WDR37: variants seen among roughly 807,000 people sequenced by gnomAD.
WDR37 encodes WD repeat domain 37.
Under a neutral mutation model 62.9 loss-of-function variants are expected in WDR37, and 19 were observed. The ratio of observed to expected loss-of-function variants is 0.30; its 90% CI spans 0.21 to 0.44. The LOEUF (loss-of-function observed/expected upper bound fraction) is 0.44, where lower values mean the gene tolerates loss of function less well. WDR37 is among the 20% of genes least tolerant of loss of function. The pLI is 1.00. For synonymous variants in WDR37, 250 were observed against 260.9 expected (o/e 0.96, Z 0.40); for missense variants, 474 against 657.6 (o/e 0.72, Z 3.05).
intron 2 of WDR37, 140 bp downstream of exon 2, chr10:1,072,433 G>C: frequency 1.7e-6 from 2 of 1,184,092 alleles, no homozygotes; most frequent in Non-Finnish European, 2.4e-6. Flanking sequence ...TCCTGCCTCA[G>C]CCTACTGAGT....
intron 1 of WDR37, among the ~76,000 whole-genome samples, chr10:1,066,828 A>G (rs1007082702): frequency 2.0e-5 from 3 of 152,238 alleles, no homozygotes; most frequent in Non-Finnish European, 4.4e-5. Flanking sequence ...AGGCCTCACA[A>G]TCATGGCAGA....
intron 7 of WDR37, 53 bp downstream of exon 7, chr10:1,086,410 T>G: frequency 1.4e-6 from 2 of 1,480,254 alleles, no homozygotes; most frequent in Non-Finnish European, 1.9e-6. Context: ...TTCTCCAGTG[T>G]GTTTTTAAAA....
At chr10:1,127,837 C>T (rs1355946590) in intron 13 of WDR37, among the ~76,000 whole-genome samples, 1 of 152,152 alleles carries the variant, frequency 6.6e-6, no homozygotes, top group Non-Finnish European at 1.5e-5. Context: ...CTTCCGGGTG[C>T]ATCTGCTTCC....
chr10:1,125,686 T>C (rs1835719697), intron 13 of WDR37, among the ~76,000 whole-genome samples: 1 of 152,108 alleles, frequency 6.6e-6, no homozygotes, highest in Non-Finnish European at 1.5e-5. Flanking sequence ...AAGTGTTGAG[T>C]GGGCATTGTG....
chr10:1,094,991 T>C (rs1252402147), intron 8 of WDR37, among the ~76,000 whole-genome samples: 1 of 140,824 alleles, frequency 7.1e-6, no homozygotes, highest in Non-Finnish European at 1.5e-5. Context: ...CGTGAGGTGA[T>C]GGGGATAGCG....
chr10:1,084,297 C>A, intron 5 of WDR37, 106 bp from the exon 6 acceptor site: 1 of 1,390,396 alleles, frequency 7.2e-7, no homozygotes, highest in Non-Finnish European at 9.9e-7. Flanking sequence ...CTGTCCTAGT[C>A]AGTGATTTGT....
In WDR37 at chr10:1,105,338, T is replaced by G. The variant is rs1286101488; in HGVS notation, c.1103+71T>G. On this transcript the variant is annotated intron_variant, in intron 11 of 13. Transcript: ENST00000263150. This position sits in a 1 kb window ranked among gnomAD's most constrained non-coding sequence, Gnocchi z 5.3. The stretch of plus-strand genomic sequence containing the variant: ...TCTGTGGGTTGACATGAAAACTTAA[T>G]TCTAGCCTTAATTTTCAGTATTTCC... 2.0e-6 allele frequency: 3 copies of G among 1,524,192 alleles called. No individual in the cohort carries two copies. In the Admixed American group the frequency reaches 5.9e-5, roughly 30 times the overall value. The allele number at this position is 1,524,192 out of a possible 1,614,324, so 94.4% of individuals were successfully genotyped here.
intron 11 of WDR37, among the ~76,000 whole-genome samples, chr10:1,110,465 A>G (rs781005136): frequency 5.9e-5 from 9 of 152,258 alleles, no homozygotes; most frequent in Non-Finnish European, 1.2e-4. Flanking sequence ...TACGACAAAT[A>G]AAACCTACAG....
chr10:1,080,354 G>T, intron 4 of WDR37, 58 bp from the exon 5 acceptor site: 1 of 1,604,090 alleles, frequency 6.2e-7, no homozygotes, highest in Non-Finnish European at 8.5e-7. Context: ...ACCCATTTGT[G>T]AGGCTATAGG....
At chr10:1,087,370 C>T (rs1021872104) in intron 7 of WDR37, among the ~76,000 whole-genome samples, 2 of 152,190 alleles carry the variant, frequency 1.3e-5, no homozygotes, top group Non-Finnish European at 2.9e-5. Flanking sequence ...GTTACAGGAA[C>T]GAGTGCTGTA....
intron 11 of WDR37, among the ~76,000 whole-genome samples, chr10:1,113,415 GC>G (rs1333387185): frequency 1.3e-5 from 2 of 152,196 alleles, no homozygotes; most frequent in African/African-American, 4.8e-5. Flanking sequence ...CCATTCTGCA[GC>G]CCATGGTTCA....
intron 12 of WDR37, among the ~76,000 whole-genome samples, chr10:1,124,670 G>A (rs931881550): frequency 8.7e-6 from 1 of 115,162 alleles, no homozygotes; most frequent in Admixed American, 9.5e-5. Context: ...GTGTGTGTGT[G>A]TGTGTGTGTG....
At chr10:1,079,892 T>C (rs1225262622) in intron 3 of WDR37, 119 bp from the exon 4 acceptor site, 3 of 720,386 alleles carry the variant, frequency 4.2e-6, no homozygotes, top group South Asian at 1.8e-5. Flanking sequence ...ATATTATTCA[T>C]GTCTTTGTTT....
intron 5 of WDR37, 127 bp from the exon 6 acceptor site, chr10:1,084,276 T>G: frequency 1.6e-6 from 2 of 1,251,050 alleles, no homozygotes; most frequent in Non-Finnish European, 2.2e-6. Flanking sequence ...CTGTGTTCCT[T>G]GATGCTTTAA....
chr10:1,095,227 C>T (rs1834534496), intron 8 of WDR37, among the ~76,000 whole-genome samples: 1 of 146,456 alleles, frequency 6.8e-6, no homozygotes, highest in African/African-American at 2.6e-5. Context: ...GAGAGTTAGA[C>T]TTGGAAACGT....
At chr10:1,089,172 G>A (rs1050615052) in intron 7 of WDR37, among the ~76,000 whole-genome samples, 8 of 151,998 alleles carry the variant, frequency 5.3e-5, no homozygotes, top group Admixed American at 1.3e-4. Context: ...TCTGCTTGGT[G>A]TCCGCCCTCA....
chr10:1,124,369 G>A lies in WDR37; in HGVS notation c.1238+17G>A, dbSNP rs1288840396. ...CATTAACAGGTAAAGTCAAACTGTTGGTTAAGTAAGTGGCTTAGTTTGATG... is the reference window on the plus strand; with the variant it reads ...CATTAACAGGTAAAGTCAAACTGTTAGTTAAGTAAGTGGCTTAGTTTGATG... On this transcript the variant is annotated intron_variant, in intron 12 of 13. Coordinates refer to ENST00000263150, the MANE Select transcript of WDR37 (RefSeq NM_014023.4). 2 of 1,613,920 alleles carry A rather than the reference G, an allele frequency of 1.2e-6. No homozygotes were observed. The highest frequency in any genetic ancestry group is 1.7e-5 in the Admixed American group (1 of 60,022).
chr10:1,110,509 C>T (rs1248045977), intron 11 of WDR37, among the ~76,000 whole-genome samples: 1 of 151,744 alleles, frequency 6.6e-6, no homozygotes, highest in African/African-American at 2.4e-5. Flanking sequence ...TAGAGCTGTG[C>T]ATCCGCGCCA....
chr10:1,114,115 C>T, intron 11 of WDR37, among the ~76,000 whole-genome samples: 1 of 152,010 alleles, frequency 6.6e-6, no homozygotes, highest in Non-Finnish European at 1.5e-5. Flanking sequence ...TGCCACCATG[C>T]CTGGCTAATT....
Sources: gnomAD v4.1 joint callset for allele counts (sites outside exome capture counted in the v4.1 genomes callset) on GRCh38, gnomAD v4.1.1 for gene constraint, Gnocchi (gnomAD v3.1) non-coding constraint, MANE v1.5 for transcripts, NCBI Gene and HGNC (gene_info 2026-07-23, HGNC 2026-07-21) for gene names.